The following OTOGL variants were observed in gnomAD, a reference collection of about 807,000 sequenced individuals.
OTOGL encodes otogelin like.
In OTOGL, 285 loss-of-function variants were observed where a neutral mutation model predicts 318.5. The ratio of observed to expected loss-of-function variants is 0.89; its 90% CI spans 0.81 to 0.99. The LOEUF (loss-of-function observed/expected upper bound fraction) is 0.99, where lower values mean the gene tolerates loss of function less well. OTOGL is among the 50% of genes least tolerant of loss of function. The pLI is 0.00. For synonymous variants in OTOGL, 987 were observed against 936.5 expected, an observed-to-expected ratio of 1.05 and a Z score of -0.99; for missense variants, 2,899 against 2,845.6, an observed-to-expected ratio of 1.02 and a Z score of -0.43.
intron 26 of OTOGL, among the ~76,000 whole-genome samples, chr12:80,295,740 TC>T (rs1397606358): frequency 6.6e-6 from 1 of 152,222 alleles, no homozygotes; most frequent in Admixed American, 6.5e-5. Flanking sequence ...CCATGTACTT[TC>T]TTCCTAGAAA....
rs376782379 is a variant in OTOGL at position 80,192,285 on chromosome 12, C to G, written c.-19-17128C>G. ...GGTTGATTTTCTAACTCTGACAAAA[C>G]CAGTGCAGTTCTAGGAGGGGCCCCG... On this transcript the variant is annotated intron_variant, in intron 1 of 58. Coordinates refer to ENST00000547103, the MANE Select transcript of OTOGL (RefSeq NM_001378609.3). Among the ~76,000 whole-genome samples the G allele has an allele frequency of 2.6e-5, 4 of 152,304 alleles. No individual in the cohort carries two copies. The East Asian group carries it at 7.7e-4, about 29-fold the overall frequency.
chr12:80,278,144 AG>A, intron 24 of OTOGL, 23 bp from the exon 25 acceptor site: 1 of 1,493,314 alleles, frequency 6.7e-7, no homozygotes, highest in Non-Finnish European at 9.1e-7. Context: ...CATACTAAAT[AG>A]CATTTTATTC....
chr12:80,355,560 T>G (rs1246502292), intron 46 of OTOGL, among the ~76,000 whole-genome samples, 176 bp from the exon 47 acceptor site: 2 of 152,098 alleles, frequency 1.3e-5, no homozygotes, highest in African/African-American at 4.8e-5. Flanking sequence ...AGTATAAACT[T>G]TCATTAAAGA....
Position 80,255,109 on chromosome 12 carries a change from T to C in OTOGL, c.1511T>C (p.Met504Thr), listed in dbSNP as rs941989592. 4 of 1,529,350 alleles carry C rather than the reference T, an allele frequency of 2.6e-6. No individual in the cohort carries two copies. The highest frequency in any genetic ancestry group is 2.2e-5 in the Admixed American group (1 of 45,408). The allele number at this position is 1,529,350 out of a possible 1,614,324, so 94.7% of individuals were successfully genotyped here. The change falls in exon 16 of 59, where the codon ATG (methionine) becomes ACG (threonine). Residue 504 changes from methionine (M) to threonine (T), a missense_variant. Coordinates refer to ENST00000547103, the MANE Select transcript of OTOGL (RefSeq NM_001378609.3). The stretch of plus-strand genomic sequence containing the variant: ...GGTCGACATTATTCTTTTATTGGCA[T>C]GTGCCAATACATCCTCGTGAAAGGA... ...FDGRHYSFIG[M>T]CQYILVKGTG...
chr12:80,197,600 C>G (rs1037279614), intron 1 of OTOGL, among the ~76,000 whole-genome samples: 1 of 152,202 alleles, frequency 6.6e-6, no homozygotes, highest in Non-Finnish European at 1.5e-5. Flanking sequence ...TGCTATTCAG[C>G]CTGCAGACTT....
chr12:80,365,156 G>A (rs1890451232), intron 52 of OTOGL, among the ~76,000 whole-genome samples: 2 of 151,986 alleles, frequency 1.3e-5, no homozygotes, highest in South Asian at 4.1e-4. Context: ...TCCTAAATAT[G>A]TACTGATGAG....
intron 1 of OTOGL, among the ~76,000 whole-genome samples, chr12:80,193,626 G>C (rs1176872795): frequency 6.6e-6 from 1 of 152,154 alleles, no homozygotes; most frequent in Non-Finnish European, 1.5e-5. Flanking sequence ...CCTCATATAT[G>C]CTGGAGTAAA....
At chr12:80,306,731 T>A (rs75476229) in intron 29 of OTOGL, among the ~76,000 whole-genome samples, 5 of 151,716 alleles carry the variant, frequency 3.3e-5, no homozygotes, top group African/African-American at 1.2e-4. Context: ...AAAATCGTTT[T>A]ACATTCTTCT....
chr12:80,327,963 A>AAC (rs1887801447), intron 35 of OTOGL, among the ~76,000 whole-genome samples: 1 of 132,822 alleles, frequency 7.5e-6, no homozygotes, highest in Non-Finnish European at 1.6e-5. Flanking sequence ...TGTCTCAAAA[A>AAC]AAAAAAAAAA....
chr12:80,117,783 A>G (rs1028411386), intron 1 of OTOGL, among the ~76,000 whole-genome samples: 3 of 152,208 alleles, frequency 2.0e-5, no homozygotes, highest in Non-Finnish European at 4.4e-5. Flanking sequence ...ACTGGATTTC[A>G]CAGGTTTCCT....
At chr12:80,279,667 C>T (rs1461920933) in intron 26 of OTOGL, among the ~76,000 whole-genome samples, 1 of 151,720 alleles carries the variant, frequency 6.6e-6, no homozygotes, top group Non-Finnish European at 1.5e-5. Context: ...ATATGTACCA[C>T]ATTTTCTTTA....
chr12:80,182,626 C>G (rs1417455791), intron 1 of OTOGL, among the ~76,000 whole-genome samples: 1 of 152,104 alleles, frequency 6.6e-6, no homozygotes, highest in African/African-American at 2.4e-5. Context: ...GAAAGAAACA[C>G]TTGTGCTGGT....
At chr12:80,137,696 T>G (rs1465994505) in intron 1 of OTOGL, among the ~76,000 whole-genome samples, 1 of 152,194 alleles carries the variant, frequency 6.6e-6, no homozygotes, top group Non-Finnish European at 1.5e-5. Context: ...AAGCTGGAAC[T>G]CTATGTAAGG....
intron 1 of OTOGL, among the ~76,000 whole-genome samples, chr12:80,143,629 C>T (rs1435601425): frequency 3.3e-5 from 5 of 152,030 alleles, no homozygotes; most frequent in Non-Finnish European, 5.9e-5. Context: ...GAGCCCCAGG[C>T]TGTGGAGTGC....
At chr12:80,197,843 C>G (rs781478474) in intron 1 of OTOGL, among the ~76,000 whole-genome samples, 8 of 152,232 alleles carry the variant, frequency 5.3e-5, no homozygotes, top group African/African-American at 9.6e-5. Context: ...CTCCTCTTTC[C>G]TCACTGGGGA....
At chr12:80,161,364 C>T (rs1452297145) in intron 1 of OTOGL, among the ~76,000 whole-genome samples, 1 of 151,926 alleles carries the variant, frequency 6.6e-6, no homozygotes, top group Admixed American at 6.6e-5. Flanking sequence ...TAAAAAATTA[C>T]CTAATGTTGA....
intron 26 of OTOGL, among the ~76,000 whole-genome samples, chr12:80,290,188 G>A (rs1014841797): frequency 9.2e-5 from 14 of 152,034 alleles, no homozygotes; most frequent in African/African-American, 2.2e-4. Context: ...GTGACACCCC[G>A]CCCTGCTTCT....
At chr12:80,298,855 C>T (rs533321938) in intron 27 of OTOGL, among the ~76,000 whole-genome samples, 1 of 152,234 alleles carries the variant, frequency 6.6e-6, no homozygotes, top group South Asian at 2.1e-4. Flanking sequence ...TATGGAGGCT[C>T]TTGAATGGTA....
At chr12:80,163,795 C>T (rs1258373726) in intron 1 of OTOGL, among the ~76,000 whole-genome samples, 1 of 152,044 alleles carries the variant, frequency 6.6e-6, no homozygotes. Context: ...AGAGAGCAAG[C>T]CCAACTGTTG....
Sources: allele counts gnomAD v4.1 joint callset (sites outside exome capture counted in the v4.1 genomes callset), GRCh38; gene constraint gnomAD v4.1.1; transcripts MANE v1.5; gene names NCBI Gene and HGNC (gene_info 2026-07-23, HGNC 2026-07-21).